Variants in GRIK3 observed in about 807,000 individuals in gnomAD.
GRIK3 encodes glutamate ionotropic receptor kainate type subunit 3, also known as glutamate receptor ionotropic, kainate 3.
A neutral mutation model predicts 102.5 loss-of-function variants in GRIK3; 29 were observed. The observed-to-expected ratio is 0.28, with a 90% confidence interval of 0.21 to 0.39. GRIK3 has a LOEUF of 0.39. GRIK3 is among the 10% of genes least tolerant of loss of function. The pLI, the probability that GRIK3 is intolerant of heterozygous loss-of-function variation, is 1.00. For missense variants in GRIK3, 908 were observed against 1,252.4 expected, an observed-to-expected ratio of 0.73 and a Z score of 4.15; for synonymous variants, 511 against 504.9, an observed-to-expected ratio of 1.01 and a Z score of -0.16.
rs1642502481 is a variant in GRIK3, at chr1:36,806,341, A to C, written c.2092-15T>G. The C allele has an allele frequency of 1.9e-6, 3 of 1,564,708 alleles. No homozygotes were observed. Among genetic ancestry groups the C allele is most frequent in the Non-Finnish European group, 2.6e-6 (3 of 1,137,134 alleles). On this transcript the variant is annotated splice_polypyrimidine_tract_variant and intron_variant, in intron 13 of 15. Coordinates refer to ENST00000373091, the MANE Select transcript of GRIK3 (RefSeq NM_000831.4). The surrounding 1 kb of genome is among the most constrained non-coding windows in gnomAD (Gnocchi z 4.0). ...ATCTTGGATTTCTGGGCCGTGAGGG[A>C]AGGGGTGATGCACACACCGTTACTA... is the stretch of plus-strand genomic sequence containing the variant.
chr1:36,843,892 T>C (rs372031739), intron 9 of GRIK3, among the ~76,000 whole-genome samples: 2 of 152,340 alleles, frequency 1.3e-5, no homozygotes, highest in African/African-American at 4.8e-5. Flanking sequence ...TTAAGGCACA[T>C]GCTTAACTAT....
intron 1 of GRIK3, among the ~76,000 whole-genome samples, chr1:36,996,209 G>A (rs1384996632): frequency 1.3e-5 from 2 of 152,238 alleles, no homozygotes; most frequent in African/African-American, 4.8e-5. Flanking sequence ...GGGAAGAGAT[G>A]GCCTGTGTTG....
intron 1 of GRIK3, among the ~76,000 whole-genome samples, chr1:36,922,608 A>T (rs1274908006): frequency 6.6e-6 from 1 of 152,192 alleles, no homozygotes; most frequent in Non-Finnish European, 1.5e-5. Flanking sequence ...GGTCCCCAAG[A>T]CAGGGGGCCA....
chr1:36,860,296 C>T (rs1009280900), intron 5 of GRIK3, among the ~76,000 whole-genome samples: 7 of 152,188 alleles, frequency 4.6e-5, no homozygotes, highest in Admixed American at 2.0e-4. Context: ...AATCCCCTTT[C>T]TAGGACCCAG....
At chr1:36,844,823 C>G (rs1217159540) in intron 9 of GRIK3, among the ~76,000 whole-genome samples, 1 of 152,118 alleles carries the variant, frequency 6.6e-6, no homozygotes, top group Non-Finnish European at 1.5e-5. Context: ...ACCTTTGCAG[C>G]CTAGAGGCCA....
chr1:36,994,095 T>C (rs1486800236), intron 1 of GRIK3, among the ~76,000 whole-genome samples: 1 of 152,206 alleles, frequency 6.6e-6, no homozygotes, highest in Non-Finnish European at 1.5e-5. Context: ...GCTGGCCCAA[T>C]GGGCTGCTAT....
intron 1 of GRIK3, among the ~76,000 whole-genome samples, chr1:36,900,323 C>T (rs1431921642): frequency 1.3e-5 from 2 of 152,062 alleles, no homozygotes; most frequent in African/African-American, 4.8e-5. Context: ...TCCTCTTCCT[C>T]CTTCTCCTCC....
At chr1:36,887,653 G>A (rs1010670442) in intron 2 of GRIK3, among the ~76,000 whole-genome samples, 7 of 151,884 alleles carry the variant, frequency 4.6e-5, no homozygotes, top group African/African-American at 1.7e-4. Flanking sequence ...CTACTTGGGA[G>A]GCTGAGGCAG....
At chr1:36,928,943 G>A (rs879928195) in intron 1 of GRIK3, among the ~76,000 whole-genome samples, 1 of 152,092 alleles carries the variant, frequency 6.6e-6, no homozygotes, top group African/African-American at 2.4e-5. Context: ...CCTAAAGAAT[G>A]GGTAATATAC....
chr1:36,908,645 A>T (rs988952650), intron 1 of GRIK3, among the ~76,000 whole-genome samples: 9 of 152,252 alleles, frequency 5.9e-5, no homozygotes, highest in Non-Finnish European at 1.0e-4. Flanking sequence ...TGATTAACGC[A>T]TAATCTTAAT....
intron 13 of GRIK3, among the ~76,000 whole-genome samples, chr1:36,813,217 T>C (rs970482550): frequency 6.6e-6 from 1 of 152,198 alleles, no homozygotes; most frequent in Admixed American, 6.5e-5. Context: ...GGCCTTCCTT[T>C]CGTCATGTTT....
chr1:37,015,029 T>C (rs1272125236), intron 1 of GRIK3, among the ~76,000 whole-genome samples: 2 of 151,926 alleles, frequency 1.3e-5, no homozygotes, highest in African/African-American at 4.8e-5. Context: ...AAGAATTCCC[T>C]ACATTGGTTC....
intron 3 of GRIK3, among the ~76,000 whole-genome samples, chr1:36,873,247 T>C (rs562173831): frequency 3.5e-4 from 53 of 152,222 alleles, no homozygotes; most frequent in African/African-American, 1.2e-3. Context: ...TGGACTGACT[T>C]ACTGTTTTTT....
intron 5 of GRIK3, among the ~76,000 whole-genome samples, chr1:36,860,510 C>T (rs573814713): frequency 6.6e-6 from 1 of 152,306 alleles, no homozygotes; most frequent in Admixed American, 6.5e-5. Flanking sequence ...CTTCTCTCCC[C>T]CTTTTCCCCC....
intron 8 of GRIK3, among the ~76,000 whole-genome samples, chr1:36,851,362 G>A (rs1030787472): frequency 1.3e-5 from 2 of 152,272 alleles, no homozygotes; most frequent in Non-Finnish European, 2.9e-5. Flanking sequence ...CAGAGTAGCT[G>A]TGTTTGGGAG....
chr1:36,907,939 T>A (rs1210762276), intron 1 of GRIK3, among the ~76,000 whole-genome samples: 3 of 151,392 alleles, frequency 2.0e-5, no homozygotes, highest in Non-Finnish European at 2.9e-5. Flanking sequence ...GGAGGAGGGG[T>A]CACTCACCTG....
intron 1 of GRIK3, among the ~76,000 whole-genome samples, chr1:36,957,641 CCCATGAGCATCTGTGAT>C (rs2124342625): frequency 1.7e-5 from 2 of 116,804 alleles, no homozygotes; most frequent in African/African-American, 3.3e-5. Flanking sequence ...AAGCCTGTGC[CCCATGAGCATCTGTGAT>C]CTGTGAGTCT....
chr1:36,897,737 T>G (rs1351732276), intron 1 of GRIK3, among the ~76,000 whole-genome samples: 1 of 152,190 alleles, frequency 6.6e-6, no homozygotes, highest in African/African-American at 2.4e-5. Flanking sequence ...GTTTGGAGGT[T>G]CCTCAAAAAA....
intron 3 of GRIK3, among the ~76,000 whole-genome samples, chr1:36,877,634 C>A (rs1166891869): frequency 6.6e-6 from 1 of 152,204 alleles, no homozygotes; most frequent in Non-Finnish European, 1.5e-5. Flanking sequence ...ACCTTCCATA[C>A]CTGAATCCTC....
Sources: allele counts gnomAD v4.1 joint callset (sites outside exome capture counted in the v4.1 genomes callset), GRCh38; gene constraint gnomAD v4.1.1; non-coding constraint Gnocchi (gnomAD v3.1); transcripts MANE v1.5; gene names NCBI Gene and HGNC (gene_info 2026-07-23, HGNC 2026-07-21).